The following KITLG variants were observed in gnomAD, a reference collection of about 807,000 sequenced individuals.
The protein encoded by KITLG is c-Kit ligand.
Under a neutral mutation model 34.1 loss-of-function variants are expected in KITLG, and 13 were observed. The observed-to-expected ratio is 0.38, with a 90% CI of 0.25 to 0.61. The LOEUF (loss-of-function observed/expected upper bound fraction) is 0.61. Ranked by LOEUF, KITLG falls within the 20% of genes least tolerant of loss-of-function variation. The pLI, the probability that KITLG is intolerant of heterozygous loss-of-function variation, is 0.60. For synonymous variants in KITLG, 110 were observed against 104.0 expected (o/e 1.06, Z -0.35); for missense variants, 292 against 318.9 (o/e 0.92, Z 0.64).
intron 3 of KITLG, among the ~76,000 whole-genome samples, chr12:88,526,651 G>A (rs1869878043): frequency 6.6e-6 from 1 of 152,128 alleles, no homozygotes; most frequent in South Asian, 2.1e-4. Context: ...ACTCTGAGGA[G>A]TGCGATGAGA....
chr12:88,517,543 AC>A (rs1405235910), intron 4 of KITLG, among the ~76,000 whole-genome samples: 2 of 152,066 alleles, frequency 1.3e-5, no homozygotes, highest in Non-Finnish European at 2.9e-5. Context: ...ATCACCATTG[AC>A]CTAACTCATT....
intron 1 of KITLG, among the ~76,000 whole-genome samples, chr12:88,568,133 C>T (rs1272008899): frequency 6.6e-6 from 1 of 151,956 alleles, no homozygotes; most frequent in Non-Finnish European, 1.5e-5. Context: ...CTTGTGAGGT[C>T]GCCAACATGT....
At chr12:88,502,704 T>C (rs183546053) in intron 9 of KITLG, among the ~76,000 whole-genome samples, 219 of 152,300 alleles carry the variant, frequency 1.4e-3, no homozygotes, top group African/African-American at 5.2e-3. Context: ...CTCCCAAATG[T>C]CATGGGACGA....
chr12:88,579,670 A>G (rs1174884660), intron 1 of KITLG, among the ~76,000 whole-genome samples: 1 of 152,128 alleles, frequency 6.6e-6, no homozygotes, highest in Non-Finnish European at 1.5e-5. Context: ...CAGAGCTGCA[A>G]ACTAGGCAGA....
At chr12:88,520,275 T>C (rs1330887554) in intron 3 of KITLG, among the ~76,000 whole-genome samples, 2 of 152,194 alleles carry the variant, frequency 1.3e-5, no homozygotes, top group African/African-American at 4.8e-5. Context: ...CTTGCATCAT[T>C]ATCAGGTCTC....
At chr12:88,510,390 T>C (rs1010212287) in intron 6 of KITLG, among the ~76,000 whole-genome samples, 3 of 152,162 alleles carry the variant, frequency 2.0e-5, no homozygotes, top group African/African-American at 7.2e-5. Context: ...ATCAGTTATG[T>C]CTCCAAGCAC....
At position 88,506,358 on chromosome 12, in the gene KITLG, T is replaced by C; in HGVS notation, c.735A>G (p.Thr245=). ...TAATTTGTATATTTTCAACTGCCCT[T>C]GTAAGACTTGGCTGTCTCTTCTGGA... The part of the protein sequence containing the change: ...LYWKKRQPSL[T]RAVENIQINE... Residue 245 remains threonine, a synonymous_variant, in exon 8 of 10, where the codon ACA becomes ACG. Transcript: ENST00000644744. 1 of 1,608,790 alleles carries C rather than the reference T, an allele frequency of 6.2e-7. No homozygotes were observed. Among genetic ancestry groups the C allele is most frequent in the Non-Finnish European group, 8.5e-7 (1 of 1,175,190 alleles).
At chr12:88,538,811 T>A (rs1228454921) in intron 2 of KITLG, among the ~76,000 whole-genome samples, 1 of 152,108 alleles carries the variant, frequency 6.6e-6, no homozygotes, top group African/African-American at 2.4e-5. Context: ...GCCAACTCAT[T>A]CTAATGAGCT....
intron 9 of KITLG, among the ~76,000 whole-genome samples, chr12:88,502,499 A>T (rs1868898875): frequency 6.6e-6 from 1 of 152,190 alleles, no homozygotes; most frequent in Non-Finnish European, 1.5e-5. Context: ...TTCAACAAAC[A>T]TTTATAGAGA....
At chr12:88,577,211 C>T (rs1871856544) in intron 1 of KITLG, among the ~76,000 whole-genome samples, 1 of 152,130 alleles carries the variant, frequency 6.6e-6, no homozygotes, top group Non-Finnish European at 1.5e-5. Context: ...ACCCACATGA[C>T]AAACTTCATA....
At chr12:88,521,983 C>A (rs894083986) in intron 3 of KITLG, among the ~76,000 whole-genome samples, 2 of 152,094 alleles carry the variant, frequency 1.3e-5, no homozygotes, top group African/African-American at 4.8e-5. Context: ...CATCTCACTA[C>A]CACTGACAAT....
intron 2 of KITLG, among the ~76,000 whole-genome samples, chr12:88,544,807 T>A (rs1483448920): frequency 1.3e-5 from 2 of 152,096 alleles, no homozygotes; most frequent in Non-Finnish European, 2.9e-5. Context: ...AAATAAGACA[T>A]ATACACCAGA....
chr12:88,542,095 G>A (rs956647345), intron 2 of KITLG, among the ~76,000 whole-genome samples: 3 of 152,044 alleles, frequency 2.0e-5, no homozygotes, highest in African/African-American at 4.8e-5. Context: ...TCCTTCAGTC[G>A]AGTTATTATT....
chr12:88,541,892 C>A (rs1375282925), intron 2 of KITLG, among the ~76,000 whole-genome samples: 2 of 152,118 alleles, frequency 1.3e-5, no homozygotes, highest in Non-Finnish European at 2.9e-5. Context: ...AAAAAAACTT[C>A]AAGTGTGTGG....
chr12:88,536,289 T>C (rs555445628), intron 2 of KITLG, among the ~76,000 whole-genome samples: 3 of 152,168 alleles, frequency 2.0e-5, no homozygotes, highest in Non-Finnish European at 4.4e-5. Flanking sequence ...AAGAAACATA[T>C]GAAAAATTGC....
intron 3 of KITLG, among the ~76,000 whole-genome samples, chr12:88,521,465 A>G (rs1173763793): frequency 1.3e-5 from 2 of 152,096 alleles, no homozygotes; most frequent in African/African-American, 4.8e-5. Flanking sequence ...AAATTTACAA[A>G]CGTACTTTTT....
intron 1 of KITLG, among the ~76,000 whole-genome samples, chr12:88,570,341 C>T (rs188675812): frequency 1.5e-3 from 224 of 152,142 alleles, no homozygotes; most frequent in African/African-American, 5.0e-3. Context: ...GATGAGGAAA[C>T]CCAGGCTCCC....
At chr12:88,572,359 T>C (rs1871678611) in intron 1 of KITLG, among the ~76,000 whole-genome samples, 1 of 151,798 alleles carries the variant, frequency 6.6e-6, no homozygotes, top group African/African-American at 2.4e-5. Flanking sequence ...GTCATATGTG[T>C]ATCTATATAT....
In KITLG at chr12:88,523,410, A is replaced by G. The variant is rs568177748; in HGVS notation, c.193-4543T>C. Among the ~76,000 whole-genome samples, 39 of 152,358 alleles carry G rather than the reference A, an allele frequency of 2.6e-4. No homozygotes were observed. The South Asian group carries it at 8.1e-3, about 32-fold the overall frequency. ...GTAGCCATGAGAATAGTGAAAGCAC[A>G]TAAAACTGAAGTGTTTTTTTCTGCT... On this transcript the variant is annotated intron_variant, in intron 3 of 9. Coordinates refer to ENST00000644744, the MANE Select transcript of KITLG (RefSeq NM_000899.5).
Sources: allele counts gnomAD v4.1 joint callset (sites outside exome capture counted in the v4.1 genomes callset), GRCh38; gene constraint gnomAD v4.1.1; transcripts MANE v1.5; gene names NCBI Gene and HGNC (gene_info 2026-07-23, HGNC 2026-07-21).